The following OTUD7A variants were observed in gnomAD, a reference collection of about 807,000 sequenced individuals.
The protein encoded by OTUD7A is OTU deubiquitinase 7A.
OTUD7A carries 12 observed loss-of-function variants against 65.7 expected under a neutral mutation model. The observed-to-expected ratio is 0.18, with a 90% CI of 0.12 to 0.30. The LOEUF (loss-of-function observed/expected upper bound fraction) is 0.30. Among genes scored for constraint, OTUD7A ranks in the 10% least tolerant of loss-of-function variants. The pLI is 1.00. For synonymous variants in OTUD7A, 641 were observed against 586.3 expected (o/e 1.09, Z -1.35); for missense variants, 1,148 against 1,304.8 (o/e 0.88, Z 1.85).
chr15:31,622,538 T>C (rs146626759), intron 3 of OTUD7A, among the ~76,000 whole-genome samples: 27,052 of 152,186 alleles, frequency 0.18, 2,614 homozygotes, highest in East Asian at 0.25. Context: ...TGATACCCTT[T>C]CTTCCAGTTG....
chr15:31,539,281 C>T (rs927555300), intron 5 of OTUD7A, among the ~76,000 whole-genome samples: 1 of 152,096 alleles, frequency 6.6e-6, no homozygotes, highest in African/African-American at 2.4e-5. Flanking sequence ...GCAGGACTTT[C>T]CCCTTCCTAT....
At chr15:31,588,977 TTC>T (rs1889632905) in intron 3 of OTUD7A, among the ~76,000 whole-genome samples, 2 of 152,154 alleles carry the variant, frequency 1.3e-5, no homozygotes, top group Admixed American at 1.3e-4. Flanking sequence ...ATGGCACACT[TTC>T]TGTTGTTCCA....
intron 1 of OTUD7A, among the ~76,000 whole-genome samples, chr15:31,717,257 A>G (rs1893614836): frequency 6.6e-6 from 1 of 152,190 alleles, no homozygotes; most frequent in Non-Finnish European, 1.5e-5. Flanking sequence ...AATTTTTATT[A>G]TACTCTAAGT....
At chr15:31,606,606 C>T (rs1459199) in intron 3 of OTUD7A, among the ~76,000 whole-genome samples, 48,190 of 152,050 alleles carry the variant, frequency 0.32, 9,729 homozygotes, top group African/African-American at 0.57. Flanking sequence ...ACACATCCTG[C>T]ACCAAATTCA....
chr15:31,563,968 A>G (rs1431464944), intron 4 of OTUD7A, among the ~76,000 whole-genome samples: 1 of 152,212 alleles, frequency 6.6e-6, no homozygotes, highest in African/African-American at 2.4e-5. Context: ...CTTCAGGGAA[A>G]CTGTTAAAGA....
chr15:31,515,698 CATCCATCCATCT>C (rs1035326425), intron 8 of OTUD7A, among the ~76,000 whole-genome samples: 1 of 148,554 alleles, frequency 6.7e-6, no homozygotes, highest in African/African-American at 2.5e-5. Flanking sequence ...TCCATCCATC[CATCCATCCATCT>C]GCTGTCTGTG....
intron 1 of OTUD7A, among the ~76,000 whole-genome samples, chr15:31,682,151 A>G (rs1018916097): frequency 1.8e-4 from 28 of 152,196 alleles, no homozygotes; most frequent in African/African-American, 4.8e-4. Context: ...AAAAGGGAAC[A>G]GGGTCCATGT....
chr15:31,777,882 G>A (rs866772722), intron 1 of OTUD7A, among the ~76,000 whole-genome samples: 88 of 152,332 alleles, frequency 5.8e-4, no homozygotes, highest in African/African-American at 2.0e-3. Flanking sequence ...ACAAGCGGCT[G>A]CATTTGCAAG....
At chr15:31,865,917 CAT>C (rs1398515395) in intron 1 of OTUD7A, among the ~76,000 whole-genome samples, 2 of 152,154 alleles carry the variant, frequency 1.3e-5, no homozygotes, top group Admixed American at 1.3e-4. Flanking sequence ...GCATCTTACT[CAT>C]GTGTATTCAT....
intron 3 of OTUD7A, among the ~76,000 whole-genome samples, chr15:31,626,594 G>C (rs1014776916): frequency 6.6e-6 from 1 of 151,916 alleles, no homozygotes; most frequent in Admixed American, 6.6e-5. Context: ...AATTTTTTTT[G>C]AGGCAGGGTC....
chr15:31,710,935 G>A (rs550967011), intron 1 of OTUD7A, among the ~76,000 whole-genome samples: 17 of 152,118 alleles, frequency 1.1e-4, no homozygotes, highest in Admixed American at 2.6e-4. Context: ...TCCCATGGCC[G>A]TGCGGCTGGG....
intron 3 of OTUD7A, among the ~76,000 whole-genome samples, chr15:31,583,723 T>G (rs958850431): frequency 6.6e-6 from 1 of 151,962 alleles, no homozygotes; most frequent in Non-Finnish European, 1.5e-5. Flanking sequence ...TCTTTTTCTT[T>G]ATAAATTACC....
intron 1 of OTUD7A, among the ~76,000 whole-genome samples, chr15:31,678,995 C>T (rs1327971268): frequency 6.6e-6 from 1 of 152,256 alleles, no homozygotes; most frequent in South Asian, 2.1e-4. Context: ...AGGGATGGAG[C>T]TGCCCAAGGC....
chr15:31,550,933 A>G (rs1216847029), intron 5 of OTUD7A, among the ~76,000 whole-genome samples: 1 of 152,202 alleles, frequency 6.6e-6, no homozygotes, highest in African/African-American at 2.4e-5. Flanking sequence ...CTGAATGCTC[A>G]AGGGCAAGCA....
chr15:31,487,236 G>T lies in OTUD7A; in HGVS notation c.1329C>A (p.Ser443Arg). ...SLEAKLNLLH[S>R]YMNVTWIRIP... Reference sequence around the variant, plus strand: ...TCCGGATCCACGTCACGTTCATGTAGCTGTGCAGAAGGTTCAGCTTGGCTT... The same window carrying T: ...TCCGGATCCACGTCACGTTCATGTATCTGTGCAGAAGGTTCAGCTTGGCTT... Residue 443 changes from serine to arginine, a missense_variant, in exon 12 of 13, where the codon AGC becomes AGA. Physicochemically the swap from Ser to Arg is moderately radical, Grantham distance 110. This residue lies in a region of OTUD7A where 842 missense variants were observed against 769.5 expected (regional missense o/e 1.09). Transcript: ENST00000307050. This position sits in a 1 kb window ranked among gnomAD's most constrained non-coding sequence, Gnocchi z 6.0. The T allele has an allele frequency of 6.2e-7, 1 of 1,614,114 alleles. No individual in the cohort carries two copies. The highest frequency in any genetic ancestry group is 1.1e-5 in the South Asian group (1 of 91,074).
At chr15:31,751,045 G>A (rs554897025) in intron 1 of OTUD7A, among the ~76,000 whole-genome samples, 1 of 152,220 alleles carries the variant, frequency 6.6e-6, no homozygotes, top group African/African-American at 2.4e-5. Flanking sequence ...GTCCTCAAAA[G>A]CAATTGCGAC....
chr15:31,521,454 T>C (rs2041936997), intron 8 of OTUD7A, among the ~76,000 whole-genome samples: 1 of 152,116 alleles, frequency 6.6e-6, no homozygotes. Flanking sequence ...GAGGACACCT[T>C]ACGTTAGCAG....
chr15:31,592,494 A>G (rs1889756355), intron 3 of OTUD7A, among the ~76,000 whole-genome samples: 1 of 152,078 alleles, frequency 6.6e-6, no homozygotes, highest in Non-Finnish European at 1.5e-5. Context: ...AGGGGCAGTG[A>G]CATGCATGGA....
At chr15:31,765,152 A>G (rs964219815) in intron 1 of OTUD7A, among the ~76,000 whole-genome samples, 1 of 152,160 alleles carries the variant, frequency 6.6e-6, no homozygotes, top group Non-Finnish European at 1.5e-5. Context: ...TATTGAACAA[A>G]TGAATGACTG....
Sources: gnomAD v4.1 joint callset for allele counts (sites outside exome capture counted in the v4.1 genomes callset) on GRCh38, gnomAD v4.1.1 for gene constraint, gnomAD v4.1.1 regional missense constraint, Gnocchi (gnomAD v3.1) non-coding constraint, MANE v1.5 for transcripts, NCBI Gene and HGNC (gene_info 2026-07-23, HGNC 2026-07-21) for gene names.